The following PCDH9 variants were observed in gnomAD, a reference collection of about 807,000 sequenced individuals.
PCDH9 encodes protocadherin-9.
A neutral mutation model predicts 70.6 loss-of-function variants in PCDH9; 24 were observed. That is an observed-to-expected ratio of 0.34 (90% CI 0.25 to 0.48). The LOEUF (loss-of-function observed/expected upper bound fraction) is 0.48. Ranked by LOEUF, PCDH9 falls within the 20% of genes least tolerant of loss-of-function variation. The pLI is 0.99. For synonymous variants in PCDH9, 562 were observed against 558.5 expected (o/e 1.01, Z -0.09); for missense variants, 1,281 against 1,503.6 (o/e 0.85, Z 2.45).
Position 67,227,006 on chromosome 13 carries a change from A to C in PCDH9, c.1435T>G (p.Ser479Ala). ...FNQPVIELSV[S>A]ENNRRGLYLT... is the part of the protein sequence containing the mutation. ...TATAACCCACGTCGGTTGTTTTCAG[A>C]AACTGACAGCTCAATTACAGGCTGG... is the stretch of plus-strand genomic sequence containing the variant. The change falls in exon 2 of 5, where the codon TCT becomes GCT. Residue 479 changes from serine to alanine, a missense_variant. By Grantham distance (99) the Ser-to-Ala change is moderately conservative. Transcript: ENST00000377865. This position sits in a 1 kb window ranked among gnomAD's most constrained non-coding sequence, Gnocchi z 4.6. 2 of 1,614,182 alleles carry C rather than the reference A, an allele frequency of 1.2e-6. No individual in the cohort carries two copies. Among genetic ancestry groups the C allele is most frequent in the Non-Finnish European group, 1.7e-6 (2 of 1,180,030 alleles).
chr13:66,656,012 G>T (rs1047548107), intron 3 of PCDH9, among the ~76,000 whole-genome samples: 2 of 152,110 alleles, frequency 1.3e-5, no homozygotes, highest in African/African-American at 4.8e-5. Flanking sequence ...TCAGGCATTT[G>T]GTTGCAAGCT....
At chr13:67,183,593 A>T (rs534280837) in intron 2 of PCDH9, among the ~76,000 whole-genome samples, 1 of 152,302 alleles carries the variant, frequency 6.6e-6, no homozygotes, top group Admixed American at 6.5e-5. Flanking sequence ...TTTATTTTTT[A>T]AAAAATCAAA....
chr13:66,453,515 G>GTTC (rs71205589), intron 4 of PCDH9, among the ~76,000 whole-genome samples: 35,387 of 151,944 alleles, frequency 0.23, 4,267 homozygotes, highest in East Asian at 0.3. Flanking sequence ...AGGCAGACTT[G>GTTC]TTCTTTGTTC....
chr13:66,836,573 C>T (rs1594126140), intron 3 of PCDH9, among the ~76,000 whole-genome samples: 1 of 152,278 alleles, frequency 6.6e-6, no homozygotes, highest in East Asian at 1.9e-4. Flanking sequence ...CCTACATCAG[C>T]ACTCATTTCA....
At chr13:66,871,954 C>T (rs1190681761) in intron 3 of PCDH9, among the ~76,000 whole-genome samples, 1 of 152,124 alleles carries the variant, frequency 6.6e-6, no homozygotes, top group Non-Finnish European at 1.5e-5. Context: ...CTCCAAGCTC[C>T]ACAGTTAGAA....
chr13:66,562,743 T>G (rs1224968409), intron 4 of PCDH9, among the ~76,000 whole-genome samples: 2 of 152,122 alleles, frequency 1.3e-5, no homozygotes, highest in East Asian at 3.9e-4. Flanking sequence ...ATGGTATCAA[T>G]GCCTGAGTGG....
intron 3 of PCDH9, among the ~76,000 whole-genome samples, chr13:66,684,193 A>G (rs1210650346): frequency 6.6e-6 from 1 of 152,208 alleles, no homozygotes; most frequent in African/African-American, 2.4e-5. Flanking sequence ...CTAGTTTTAT[A>G]CTCGACTACT....
At chr13:67,076,166 G>T (rs1369342732) in intron 2 of PCDH9, among the ~76,000 whole-genome samples, 1 of 152,112 alleles carries the variant, frequency 6.6e-6, no homozygotes, top group Admixed American at 6.6e-5. Context: ...CACTTTCTAT[G>T]TGCCAGACAC....
chr13:66,766,652 A>G (rs2079722678), intron 3 of PCDH9, among the ~76,000 whole-genome samples: 1 of 151,834 alleles, frequency 6.6e-6, no homozygotes, highest in African/African-American at 2.4e-5. Flanking sequence ...GAAAGGGGAA[A>G]GGGAAGGAGG....
chr13:66,412,210 G>A (rs1305309914), intron 4 of PCDH9, among the ~76,000 whole-genome samples: 1 of 152,194 alleles, frequency 6.6e-6, no homozygotes, highest in African/African-American at 2.4e-5. Context: ...TGTCCAGGCT[G>A]GAGTGCAGTA....
intron 3 of PCDH9, among the ~76,000 whole-genome samples, chr13:66,767,638 G>A (rs970689576): frequency 6.6e-6 from 1 of 151,984 alleles, no homozygotes; most frequent in African/African-American, 2.4e-5. Flanking sequence ...CAGTAAAAAG[G>A]TTCCTGTAAC....
chr13:66,920,890 G>A (rs190592556), intron 2 of PCDH9, among the ~76,000 whole-genome samples: 2 of 151,150 alleles, frequency 1.3e-5, no homozygotes, highest in East Asian at 3.9e-4. Flanking sequence ...TTTAAAAACT[G>A]CTTCTTCCTA....
intron 4 of PCDH9, among the ~76,000 whole-genome samples, chr13:66,612,884 G>A (rs1172447669): frequency 6.6e-6 from 1 of 151,742 alleles, no homozygotes; most frequent in Non-Finnish European, 1.5e-5. Context: ...AAAATTGTCT[G>A]TGAGCCTGAA....
At chr13:66,324,774 T>C (rs900169139) in intron 4 of PCDH9, among the ~76,000 whole-genome samples, 2 of 152,056 alleles carry the variant, frequency 1.3e-5, no homozygotes, top group African/African-American at 4.8e-5. Context: ...AGACATCATC[T>C]ATAATCTGGA....
intron 3 of PCDH9, among the ~76,000 whole-genome samples, chr13:66,671,300 A>G (rs1221757753): frequency 6.6e-6 from 1 of 152,108 alleles, no homozygotes; most frequent in East Asian, 1.9e-4. Context: ...ATAATACAGT[A>G]ATTTGGTAGA....
At chr13:66,675,284 G>A (rs1337200027) in intron 3 of PCDH9, among the ~76,000 whole-genome samples, 1 of 152,046 alleles carries the variant, frequency 6.6e-6, no homozygotes, top group Non-Finnish European at 1.5e-5. Context: ...TTTGTCCACG[G>A]TTTGATTTTT....
chr13:66,582,459 C>G (rs1037058311), intron 4 of PCDH9, among the ~76,000 whole-genome samples: 5 of 151,968 alleles, frequency 3.3e-5, no homozygotes, highest in Non-Finnish European at 2.9e-5. Context: ...ATGGCAAAAC[C>G]CTTTCTCTAC....
At chr13:67,160,858 A>C (rs980048090) in intron 2 of PCDH9, among the ~76,000 whole-genome samples, 1 of 152,160 alleles carries the variant, frequency 6.6e-6, no homozygotes, top group African/African-American at 2.4e-5. Context: ...GAATTCTCAC[A>C]CCTTTTGAAT....
Position 66,737,729 on chromosome 13 carries a change from G to A in PCDH9, c.3139-106318C>T, listed in dbSNP as rs544089479. 1.6e-3 allele frequency among the ~76,000 whole-genome samples: 239 copies of A among 152,292 alleles called. 1 individual carries two copies. Among genetic ancestry groups the A allele is most frequent in the African/African-American group, 5.6e-3 (233 of 41,574 alleles). Reference sequence around the variant, plus strand: ...GTTCCCTTTCCGAGTCAAAGAAAGGGGTGACGGACGCACCTGGAAAATCGG... The same window carrying A: ...GTTCCCTTTCCGAGTCAAAGAAAGGAGTGACGGACGCACCTGGAAAATCGG... On this transcript the variant is annotated intron_variant, in intron 3 of 4. Coordinates refer to ENST00000377865, the MANE Select transcript of PCDH9 (RefSeq NM_203487.3).
Sources: allele counts gnomAD v4.1 joint callset (sites outside exome capture counted in the v4.1 genomes callset), GRCh38; gene constraint gnomAD v4.1.1; non-coding constraint Gnocchi (gnomAD v3.1); transcripts MANE v1.5; gene names NCBI Gene and HGNC (gene_info 2026-07-23, HGNC 2026-07-21).